The following KANK1 variants were observed in gnomAD, a reference collection of about 807,000 sequenced individuals.
KANK1 encodes the protein KN motif and ankyrin repeat domain-containing protein 1.
In KANK1, 109 loss-of-function variants were observed where a neutral mutation model predicts 106.2. The ratio of observed to expected loss-of-function variants is 1.03; its 90% confidence interval spans 0.88 to 1.20. The LOEUF (loss-of-function observed/expected upper bound fraction) is 1.20, where lower values mean the gene tolerates loss of function less well. Ranked by LOEUF, KANK1 falls within the 50% of genes most tolerant of loss-of-function variation. The probability of loss-of-function intolerance (pLI) is 0.00; values close to 1 mark genes in which losing one functional copy is unlikely to be tolerated. For missense variants in KANK1, 2,399 were observed against 1,710.7 expected (o/e 1.40, Z -7.10); for synonymous variants, 873 against 652.2 (o/e 1.34, Z -5.16).
intron 1 of KANK1, among the ~76,000 whole-genome samples, chr9:615,923 G>T (rs145093650): frequency 1.3e-5 from 2 of 152,132 alleles, no homozygotes; most frequent in Non-Finnish European, 2.9e-5. Flanking sequence ...CAAAGGTGGT[G>T]CCAGCTGATA....
intron 1 of KANK1, among the ~76,000 whole-genome samples, chr9:523,744 G>GT (rs1352653209): frequency 1.3e-5 from 2 of 151,686 alleles, no homozygotes; most frequent in Non-Finnish European, 2.9e-5. Flanking sequence ...CACCATGTCA[G>GT]TGCTGTGATT....
Position 712,720 on chromosome 9 carries a change from A to C in KANK1, c.1954A>C (p.Thr652Pro). The C allele has an allele frequency of 2.5e-6, 4 of 1,613,974 alleles. No individual in the cohort carries two copies. Among genetic ancestry groups the C allele is most frequent in the Non-Finnish European group, 3.4e-6 (4 of 1,179,950 alleles). Residue 652 changes from threonine (T) to proline (P), a missense_variant, in exon 3 of 12, where the codon ACT becomes CCT. Transcript: ENST00000382297. ...GGAGTGCGCCTCCCGGGGCGTGAAC[A>C]CTGAGGCTGTTAGCCAGGTGGAAGC... ...PKECASRGVN[T>P]EAVSQVEAAV...
At chr9:656,405 T>TGG (rs1563935602) in intron 1 of KANK1, among the ~76,000 whole-genome samples, 7 of 152,110 alleles carry the variant, frequency 4.6e-5, no homozygotes, top group African/African-American at 1.7e-4. Context: ...GCTATGAAAG[T>TGG]GTCCTTGGGA....
intron 1 of KANK1, among the ~76,000 whole-genome samples, chr9:578,720 C>A (rs998841820): frequency 1.3e-5 from 2 of 152,150 alleles, no homozygotes; most frequent in Admixed American, 6.5e-5. Context: ...CTCTTCTTTA[C>A]CCTCAAGAAA....
intron 2 of KANK1, among the ~76,000 whole-genome samples, chr9:687,888 A>T (rs1313595264): frequency 1.3e-5 from 2 of 152,218 alleles, no homozygotes; most frequent in African/African-American, 2.4e-5. Flanking sequence ...GTGTTTTAAG[A>T]GGCAAGAATC....
chr9:566,982 C>A (rs1817966355), intron 1 of KANK1, among the ~76,000 whole-genome samples: 1 of 152,016 alleles, frequency 6.6e-6, no homozygotes, highest in Non-Finnish European at 1.5e-5. Flanking sequence ...TTGAGTATTA[C>A]ATTTAAGTTT....
At chr9:736,933 C>T (rs530757182) in intron 7 of KANK1, among the ~76,000 whole-genome samples, 136 of 152,292 alleles carry the variant, frequency 8.9e-4, no homozygotes, top group Admixed American at 2.0e-3. Context: ...TACTAGGTTA[C>T]GTGGCCTTTG....
At chr9:635,657 A>T (rs966770642) in intron 1 of KANK1, among the ~76,000 whole-genome samples, 1 of 149,658 alleles carries the variant, frequency 6.7e-6, no homozygotes, top group Non-Finnish European at 1.5e-5. Context: ...CAATTTATTA[A>T]TGTCCCTTCA....
chr9:706,888 G>A, intron 2 of KANK1: 1 of 985,422 alleles, frequency 1.0e-6, no homozygotes, highest in Non-Finnish European at 1.2e-6. Context: ...GACTAGTATA[G>A]GAAAAACAGA....
intron 8 of KANK1, 57 bp from the exon 9 acceptor site, chr9:740,735 C>G: frequency 6.4e-7 from 1 of 1,565,606 alleles, no homozygotes; most frequent in Non-Finnish European, 8.6e-7. Flanking sequence ...GCTTCGTAAG[C>G]GGCTGCTATT....
chr9:592,525 G>GT (rs1825217386), intron 1 of KANK1, among the ~76,000 whole-genome samples: 1 of 151,634 alleles, frequency 6.6e-6, no homozygotes, highest in African/African-American at 2.4e-5. Flanking sequence ...GTCTAAGTAC[G>GT]TTTTTTCATC....
In KANK1 at chr9:740,787, T is replaced by TTTA. The variant is rs1554721659; in HGVS notation, c.3554-5_3554-4insTTA. 6 of 1,587,962 alleles carry TTTA rather than the reference T, an allele frequency of 3.8e-6. No homozygotes were observed. Among genetic ancestry groups the TTTA allele is most frequent in the African/African-American group, 2.8e-5 (2 of 72,162 alleles). On this transcript the variant is annotated splice_region_variant and splice_polypyrimidine_tract_variant and intron_variant, in intron 8 of 11. Coordinates refer to ENST00000382297, the MANE Select transcript of KANK1 (RefSeq NM_015158.5). ...TAAGAGACTTTTTTTTTTTTTTTTT[T>TTTA]ACAGATGTGTGTAATGTGGATCACC...
At chr9:505,810 A>G (rs963539690) in intron 1 of KANK1, among the ~76,000 whole-genome samples, 1 of 152,174 alleles carries the variant, frequency 6.6e-6, no homozygotes, top group African/African-American at 2.4e-5. Context: ...CAGATGTGTA[A>G]TCGTGCAGTT....
intron 1 of KANK1, among the ~76,000 whole-genome samples, chr9:574,730 C>T (rs986064173): frequency 6.6e-6 from 1 of 151,620 alleles, no homozygotes; most frequent in Non-Finnish European, 1.5e-5. Context: ...TGGCACGTGC[C>T]TGTGGTCCCA....
intron 10 of KANK1, 31 bp from the exon 11 acceptor site, chr9:744,460 A>C: frequency 1.2e-5 from 20 of 1,600,780 alleles, no homozygotes; most frequent in Non-Finnish European, 1.6e-5. Context: ...GAGAAACCCA[A>C]CATGGCTTGT....
chr9:631,503 A>AC (rs1835727231), intron 1 of KANK1, among the ~76,000 whole-genome samples: 1 of 151,340 alleles, frequency 6.6e-6, no homozygotes, highest in African/African-American at 2.4e-5. Flanking sequence ...CTAATTCCCC[A>AC]CTATACCTGT....
intron 1 of KANK1, among the ~76,000 whole-genome samples, chr9:534,198 C>T (rs973796762): frequency 2.0e-5 from 3 of 152,210 alleles, no homozygotes; most frequent in African/African-American, 4.8e-5. Context: ...AGCCTTTAGA[C>T]TGACCCAACT....
At chr9:674,549 C>G (rs765298473) in intron 1 of KANK1, among the ~76,000 whole-genome samples, 4 of 152,090 alleles carry the variant, frequency 2.6e-5, no homozygotes, top group Non-Finnish European at 4.4e-5. Context: ...AAGCAATCAG[C>G]CATTTCCTTT....
chr9:683,765 C>T (rs1395995333), intron 2 of KANK1, among the ~76,000 whole-genome samples: 1 of 152,012 alleles, frequency 6.6e-6, no homozygotes, highest in Non-Finnish European at 1.5e-5. Flanking sequence ...ATTGTTATTC[C>T]TTTATTTATT....
Sources: gnomAD v4.1 joint callset for allele counts (sites outside exome capture counted in the v4.1 genomes callset) on GRCh38, gnomAD v4.1.1 for gene constraint, MANE v1.5 for transcripts, NCBI Gene and HGNC (gene_info 2026-07-23, HGNC 2026-07-21) for gene names.